The following TBC1D14 variants were observed in gnomAD, a reference collection of about 807,000 sequenced individuals.
The protein encoded by TBC1D14 is TBC1 domain family member 14.
Under a neutral mutation model 79.0 loss-of-function variants are expected in TBC1D14, and 26 were observed. That is an observed-to-expected ratio of 0.33 (90% CI 0.24 to 0.46). The LOEUF (loss-of-function observed/expected upper bound fraction) is 0.46, where lower values mean the gene tolerates loss of function less well. Among genes scored for constraint, TBC1D14 ranks in the 20% least tolerant of loss-of-function variants. The pLI is 1.00. For missense variants in TBC1D14, 769 were observed against 887.6 expected (o/e 0.87, Z 1.70); for synonymous variants, 394 against 349.9 (o/e 1.13, Z -1.40).
chr4:6,936,706 C>T (rs769029033), intron 2 of TBC1D14, among the ~76,000 whole-genome samples: 5 of 152,242 alleles, frequency 3.3e-5, no homozygotes, highest in Non-Finnish European at 7.3e-5. Flanking sequence ...AACCAGCAAA[C>T]TGTCTTCCAA....
intron 3 of TBC1D14, among the ~76,000 whole-genome samples, chr4:6,984,092 G>T (rs945364753): frequency 4.0e-5 from 6 of 148,678 alleles, no homozygotes; most frequent in African/African-American, 1.5e-4. Flanking sequence ...ACTGGGGTGA[G>T]AGGGGTCTCA....
At chr4:6,962,682 G>T (rs1577091288) in intron 2 of TBC1D14, among the ~76,000 whole-genome samples, 2 of 152,172 alleles carry the variant, frequency 1.3e-5, no homozygotes, top group African/African-American at 4.8e-5. Context: ...GCTCCAGGGA[G>T]GTTGTGGTGG....
At chr4:7,002,716 G>A (rs1276501235) in intron 7 of TBC1D14, among the ~76,000 whole-genome samples, 1 of 152,202 alleles carries the variant, frequency 6.6e-6, no homozygotes, top group East Asian at 1.9e-4. Context: ...AGGCCCTTAA[G>A]AAATACCTGC....
At chr4:6,959,683 C>T (rs904355220) in intron 2 of TBC1D14, among the ~76,000 whole-genome samples, 5 of 152,232 alleles carry the variant, frequency 3.3e-5, no homozygotes, top group South Asian at 2.1e-4. Context: ...GACGATTGTA[C>T]TTAGACTGTG....
chr4:6,997,852 T>C (rs4261987), intron 5 of TBC1D14, among the ~76,000 whole-genome samples: 108,645 of 151,842 alleles, frequency 0.72, 39,152 homozygotes, highest in South Asian at 0.8. Flanking sequence ...TGATGGGTGC[T>C]AGGGGTTGGG....
At chr4:7,011,423 C>T (rs1272811674) in intron 11 of TBC1D14, among the ~76,000 whole-genome samples, 2 of 152,122 alleles carry the variant, frequency 1.3e-5, no homozygotes, top group African/African-American at 2.4e-5. Context: ...TGAAGGGACT[C>T]GTTCAAGGCA....
rs1720652485 is a variant in TBC1D14, at chr4:7,010,568, G to T, written c.1519-85G>T. 6.6e-6 allele frequency: 10 copies of T among 1,507,294 alleles called. No homozygotes were observed. In the Admixed American group the frequency reaches 2.0e-4, roughly 30 times the overall value. 93.4% of individuals were successfully genotyped at this position (1,507,294 alleles called of 1,614,324 possible). A position where few individuals can be genotyped will look rare whatever the true frequency, so the allele number is the denominator to read the frequency against. ...TAGGGACACTTCTAGTGTGAGGGTGGTAGGTTTGTCTTTGCTAAAAATGAA... is the reference window on the plus strand; with the variant it reads ...TAGGGACACTTCTAGTGTGAGGGTGTTAGGTTTGTCTTTGCTAAAAATGAA... On this transcript the variant is annotated intron_variant, in intron 10 of 13. Coordinates refer to ENST00000409757, the MANE Select transcript of TBC1D14 (RefSeq NM_020773.3).
At chr4:6,930,152 C>G (rs1711596021) in intron 2 of TBC1D14, among the ~76,000 whole-genome samples, 1 of 152,224 alleles carries the variant, frequency 6.6e-6, no homozygotes, top group African/African-American at 2.4e-5. Context: ...GAGCAGAGCT[C>G]TAAGCCGGGT....
chr4:7,015,410 C>T (rs778257545), intron 12 of TBC1D14, among the ~76,000 whole-genome samples: 5 of 152,112 alleles, frequency 3.3e-5, no homozygotes, highest in Admixed American at 1.3e-4. Flanking sequence ...AGACCAAAGA[C>T]AAAGGGAGAA....
At chr4:6,949,997 C>T (rs187116893) in intron 2 of TBC1D14, among the ~76,000 whole-genome samples, 29 of 152,190 alleles carry the variant, frequency 1.9e-4, no homozygotes, top group African/African-American at 6.7e-4. Context: ...TTGCACCCAT[C>T]AACCTGTTAT....
chr4:6,994,160 T>A lies in TBC1D14; in HGVS notation c.844-24T>A, dbSNP rs543633645. The A allele has an allele frequency of 3.1e-6, 5 of 1,587,538 alleles. No individual in the cohort carries two copies. In the African/African-American group the frequency reaches 6.7e-5, roughly 21 times the overall value. On this transcript the variant is annotated intron_variant, in intron 3 of 13. Transcript: ENST00000409757. ...TCATCCTATCTGAAAGGACCTGGAG[T>A]CATCCCTGGTTTCTTTGTCCTAGGA...
intron 5 of TBC1D14, among the ~76,000 whole-genome samples, chr4:6,997,675 A>G (rs987991628): frequency 6.6e-6 from 1 of 152,224 alleles, no homozygotes; most frequent in East Asian, 1.9e-4. Flanking sequence ...TGTACAGTGG[A>G]ATATTATTTG....
intron 3 of TBC1D14, among the ~76,000 whole-genome samples, chr4:6,980,156 TAA>T (rs887922935): frequency 1.4e-4 from 21 of 152,342 alleles, no homozygotes; most frequent in African/African-American, 3.4e-4. Context: ...TTCTGGGATA[TAA>T]GAGAAGCTTA....
intron 2 of TBC1D14, among the ~76,000 whole-genome samples, chr4:6,965,665 A>C (rs1263006355): frequency 6.6e-6 from 1 of 152,182 alleles, no homozygotes; most frequent in Non-Finnish European, 1.5e-5. Flanking sequence ...TAGCCTCCCC[A>C]GTAGCTAGGG....
intron 13 of TBC1D14, 94 bp downstream of exon 13, chr4:7,025,356 AG>A: frequency 6.5e-6 from 10 of 1,544,200 alleles, no homozygotes; most frequent in Non-Finnish European, 8.7e-6. Context: ...CTGAGGACGT[AG>A]CCCCTTTGAT....
chr4:6,988,390 G>C (rs925742204), intron 3 of TBC1D14, among the ~76,000 whole-genome samples: 1 of 152,262 alleles, frequency 6.6e-6, no homozygotes, highest in Non-Finnish European at 1.5e-5. Flanking sequence ...AAGTGTAACA[G>C]ATGAGGAAAC....
chr4:7,022,620 A>T (rs1168008483), intron 12 of TBC1D14, among the ~76,000 whole-genome samples: 1 of 152,082 alleles, frequency 6.6e-6, no homozygotes, highest in African/African-American at 2.4e-5. Flanking sequence ...TGGTCGCAGC[A>T]CGGCGTCAGC....
At chr4:7,001,394 G>C (rs1030944678) in intron 7 of TBC1D14, 143 bp downstream of exon 7, 1 of 711,954 alleles carries the variant, frequency 1.4e-6, no homozygotes, top group African/African-American at 1.8e-5. Flanking sequence ...CTTCAGGAGA[G>C]AGGGGCAGTT....
intron 6 of TBC1D14, 121 bp from the exon 7 acceptor site, chr4:7,001,024 G>A: frequency 1.4e-6 from 1 of 734,234 alleles, no homozygotes; most frequent in South Asian, 1.7e-5. Context: ...CTTCCTGAGG[G>A]CAGGGGCTGT....
Sources: gnomAD v4.1 joint callset for allele counts (sites outside exome capture counted in the v4.1 genomes callset) on GRCh38, gnomAD v4.1.1 for gene constraint, MANE v1.5 for transcripts, NCBI Gene and HGNC (gene_info 2026-07-23, HGNC 2026-07-21) for gene names.